Variants in SRL observed in about 807,000 individuals in gnomAD.
SRL encodes sarcalumenin.
Under a neutral mutation model 39.5 loss-of-function variants are expected in SRL, and 23 were observed. The ratio of observed to expected loss-of-function variants is 0.58; its 90% CI spans 0.42 to 0.82. The LOEUF (loss-of-function observed/expected upper bound fraction) is 0.82. SRL is among the 40% of genes least tolerant of loss of function. SRL has a pLI of 0.00. For synonymous variants in SRL, 272 were observed against 237.4 expected (o/e 1.15, Z -1.34); for missense variants, 592 against 607.8 (o/e 0.97, Z 0.27).
At chr16:4,207,430 C>T (rs1388625949) in intron 1 of SRL, 2 of 456,694 alleles carry the variant, frequency 4.4e-6, no homozygotes, top group South Asian at 1.5e-5. Context: ...CCAACAGCCG[C>T]GACGTCAGGG....
rs561664016 is a variant in SRL, at chr16:4,189,428, C to T, written c.*2725G>A. 1.5e-4 allele frequency: 23 copies of T among 152,326 alleles called. No homozygotes were observed. The highest frequency in any genetic ancestry group is 4.8e-4 in the African/African-American group (20 of 41,564). 9.4% of individuals were successfully genotyped at this position (152,326 alleles called of 1,614,324 possible). ...TGATGAAATCAGAACCAAAAGAACA[C>T]TGGAAAGGTTCTGCCACTGTCCAGG... On this transcript the variant is annotated 3_prime_UTR_variant, in exon 6 of 6. Transcript: ENST00000399609.
intron 4 of SRL, 148 bp downstream of exon 4, chr16:4,197,651 T>G: frequency 1.5e-6 from 1 of 651,066 alleles, no homozygotes; most frequent in Non-Finnish European, 2.8e-6. Flanking sequence ...GGTCTCAAAC[T>G]GACGGCCTCA....
At position 4,192,009 on chromosome 16, in the gene SRL, G is replaced by A. The variant is rs765235314; in HGVS notation, c.*144C>T. ...CTCCCTAGACCCACACACCTGCCCC[G>A]ACCCCTGGCCTCAATGAACTCCCAA... On this transcript the variant is annotated 3_prime_UTR_variant, in exon 6 of 6. Transcript: ENST00000399609. This position sits in a 1 kb window ranked among gnomAD's most constrained non-coding sequence, Gnocchi z 4.0. 821 of 889,612 alleles carry A rather than the reference G, an allele frequency of 9.2e-4. 13 individuals are homozygous for A. The highest frequency in any genetic ancestry group is 1.7e-4 in the Non-Finnish European group (101 of 579,304). The allele number at this position is 889,612 out of a possible 1,614,324, so 55.1% of individuals were successfully genotyped here. A position where few individuals can be genotyped will look rare whatever the true frequency, so the allele number is the denominator to read the frequency against.
At chr16:4,239,241 T>C (rs1212616976) in intron 1 of SRL, among the ~76,000 whole-genome samples, 1 of 152,184 alleles carries the variant, frequency 6.6e-6, no homozygotes, top group Non-Finnish European at 1.5e-5. Context: ...ACTGCACCCT[T>C]GTCTCACATG....
At chr16:4,206,898 CCTTCCTGGGGTTCCCTGG>C in intron 1 of SRL, 1 of 456,572 alleles carries the variant, frequency 2.2e-6, no homozygotes, top group South Asian at 1.5e-5. Flanking sequence ...AAGCTCTGCA[CCTTCCTGGGGTTCCCTGG>C]CTTCCTGGGG....
chr16:4,223,598 C>A (rs1240049187), intron 1 of SRL, among the ~76,000 whole-genome samples: 1 of 151,210 alleles, frequency 6.6e-6, no homozygotes, highest in Middle Eastern at 3.4e-3. Flanking sequence ...GTTATCCAGG[C>A]TGGTGTCAAA....
At chr16:4,203,087 C>T (rs2068523049) in intron 3 of SRL, 79 bp downstream of exon 3, 1 of 1,258,248 alleles carries the variant, frequency 7.9e-7, no homozygotes. Flanking sequence ...AGAGTCCAGG[C>T]CGGTCAGCAG....
intron 1 of SRL, among the ~76,000 whole-genome samples, chr16:4,227,007 G>C (rs755227145): frequency 8.0e-5 from 12 of 150,826 alleles, no homozygotes; most frequent in Non-Finnish European, 1.6e-4. Context: ...TGGGTGGATG[G>C]ATGGATGAAT....
Position 4,211,602 on chromosome 16 carries a change from T to C in SRL, c.62-6968A>G, listed in dbSNP as rs532051326. On this transcript the variant is annotated intron_variant, in intron 1 of 5. Transcript: ENST00000399609. ...ATGATGGTGATGATGGTGATGGTGA[T>C]GACCGTGCCGATGATGAGGGTCGTG... Among the ~76,000 whole-genome samples, 60 of 145,166 alleles carry C rather than the reference T, an allele frequency of 4.1e-4. 1 individual carries two copies. Among genetic ancestry groups the C allele is most frequent in the African/African-American group, 1.6e-3 (59 of 37,394 alleles).
intron 1 of SRL, among the ~76,000 whole-genome samples, chr16:4,217,930 G>T (rs1055812032): frequency 1.3e-5 from 2 of 152,098 alleles, no homozygotes; most frequent in Non-Finnish European, 2.9e-5. Context: ...TTCTGCCAGG[G>T]ACTCCTCCTC....
intron 1 of SRL, among the ~76,000 whole-genome samples, chr16:4,214,707 T>A (rs1011443817): frequency 6.6e-6 from 1 of 152,100 alleles, no homozygotes; most frequent in Non-Finnish European, 1.5e-5. Context: ...TCTGGTGTCC[T>A]GTTTTTCCTT....
chr16:4,193,221 T>G (rs2052092286), intron 5 of SRL, among the ~76,000 whole-genome samples: 1 of 152,114 alleles, frequency 6.6e-6, no homozygotes, highest in African/African-American at 2.4e-5. Flanking sequence ...CAGGCTGGAG[T>G]GCAGTGGCAT....
At chr16:4,193,205 G>C (rs1464747578) in intron 5 of SRL, among the ~76,000 whole-genome samples, 2 of 152,146 alleles carry the variant, frequency 1.3e-5, no homozygotes, top group Non-Finnish European at 2.9e-5. Flanking sequence ...GTCTCACTCT[G>C]TCACCCAGGC....
rs554761018 is a variant in SRL at position 4,216,070 on chromosome 16, T to G, written c.62-11436A>C. Among the ~76,000 whole-genome samples the G allele has an allele frequency of 4.6e-5, 7 of 151,838 alleles. No individual in the cohort carries two copies. In the South Asian group the frequency reaches 1.5e-3, roughly 32 times the overall value. The stretch of plus-strand genomic sequence containing the variant: ...AAGGATTAAGACTTCAGCACAATTG[T>G]TTTTAACCCATAGAGTCCTGAGAAT... On this transcript the variant is annotated intron_variant, in intron 1 of 5. Transcript: ENST00000399609.
chr16:4,241,148 C>T (rs1420253790), intron 1 of SRL, among the ~76,000 whole-genome samples: 2 of 152,146 alleles, frequency 1.3e-5, no homozygotes, highest in Non-Finnish European at 2.9e-5. Flanking sequence ...TGAAAAGACT[C>T]GGTGGGCAGT....
chr16:4,227,834 C>T (rs535559691), intron 1 of SRL, among the ~76,000 whole-genome samples: 1 of 152,308 alleles, frequency 6.6e-6, no homozygotes, highest in Non-Finnish European at 1.5e-5. Context: ...AACTGAACTG[C>T]TGAGTTGCAG....
At position 4,203,168 on chromosome 16, in the gene SRL, G is replaced by A; in HGVS notation, c.257C>T (p.Thr86Ile). The change falls in exon 3 of 6, where the codon ACA becomes ATA. Residue 86 changes from threonine to isoleucine, a missense_variant and splice_region_variant. Coordinates refer to ENST00000399609, the MANE Select transcript of SRL (RefSeq NM_001098814.2). ...KYNELRQHEI[T>I]DGEITSKPMV... ...CTACCTGTTATCTCAAGCCCTACCT[G>A]TGATCTCATGCTGCCGGAGCTCATT... is the stretch of plus-strand genomic sequence containing the variant. 2 of 1,613,780 alleles carry A rather than the reference G, an allele frequency of 1.2e-6. No homozygotes were observed. Among genetic ancestry groups the A allele is most frequent in the Non-Finnish European group, 1.7e-6 (2 of 1,179,644 alleles).
intron 1 of SRL, among the ~76,000 whole-genome samples, chr16:4,234,412 C>G (rs1202177453): frequency 6.6e-6 from 1 of 152,222 alleles, no homozygotes; most frequent in African/African-American, 2.4e-5. Flanking sequence ...GGGAGTCCCT[C>G]TGTGACAGAC....
intron 1 of SRL, chr16:4,207,384 C>A: frequency 2.2e-6 from 1 of 456,714 alleles, no homozygotes; most frequent in Non-Finnish European, 4.4e-6. Context: ...GGTGCCCTCA[C>A]TGGCTTGTGT....
Sources: gnomAD v4.1 joint callset for allele counts (sites outside exome capture counted in the v4.1 genomes callset) on GRCh38, gnomAD v4.1.1 for gene constraint, Gnocchi (gnomAD v3.1) non-coding constraint, MANE v1.5 for transcripts, NCBI Gene and HGNC (gene_info 2026-07-23, HGNC 2026-07-21) for gene names.